The following PCDH11Y variants were observed in gnomAD, a reference collection of about 807,000 sequenced individuals.
PCDH11Y encodes protocadherin 11 Y-linked, also known as protocadherin-11 Y-linked.
For missense variants in PCDH11Y, 12 were observed against 224.8 expected (o/e 0.05, Z 6.05); for synonymous variants, 9 against 83.6 (o/e 0.11, Z 4.87).
chrY:5,729,880 C>G, intron 4 of PCDH11Y, among the ~76,000 whole-genome samples: 1 of 33,098 alleles, frequency 3.0e-5, no homozygotes, highest in Non-Finnish European at 7.5e-5. Context: ...ATAGAAAGTC[C>G]TTTCCCCACT....
chrY:5,403,769 C>T (rs2053235976), intron 2 of PCDH11Y, among the ~76,000 whole-genome samples: 2 of 33,361 alleles, frequency 6.0e-5, no homozygotes, highest in Non-Finnish European at 7.4e-5. Flanking sequence ...TGAGTACTTA[C>T]GCACTGATTA....
chrY:5,068,542 C>CTGTGTGTG (rs3067360), intron 1 of PCDH11Y, among the ~76,000 whole-genome samples: 1,372 of 21,712 alleles, frequency 0.063, no homozygotes, highest in Non-Finnish European at 0.11. Flanking sequence ...TTTGTGTCCT[C>CTGTGTGTG]TGTGTGTGTG....
chrY:5,107,927 C>T (rs1602868556), downstream of PCDH11Y, among the ~76,000 whole-genome samples: 2 of 31,420 alleles, frequency 6.4e-5, no homozygotes, highest in African/African-American at 1.2e-4. Context: ...GGCGTGGTGG[C>T]GGGCGCCTGT....
At chrY:5,303,680 C>T in intron 2 of PCDH11Y, among the ~76,000 whole-genome samples, 1 of 32,400 alleles carries the variant, frequency 3.1e-5, no homozygotes, top group Non-Finnish European at 7.5e-5. Flanking sequence ...TAAAACAACA[C>T]AAATTTACAG....
intron 2 of PCDH11Y, among the ~76,000 whole-genome samples, chrY:5,443,202 C>T: frequency 3.1e-5 from 1 of 32,021 alleles, no homozygotes. Context: ...CAACAGTATA[C>T]GAAAAGGATA....
chrY:5,438,427 C>T, intron 2 of PCDH11Y, among the ~76,000 whole-genome samples: 1 of 33,041 alleles, frequency 3.0e-5, no homozygotes. Context: ...AACCTGACAA[C>T]CTGTTGCTGG....
chrY:5,044,197 G>T, intron 3 of PCDH11Y, among the ~76,000 whole-genome samples: 3 of 31,158 alleles, frequency 9.6e-5, no homozygotes, highest in African/African-American at 3.8e-4. Flanking sequence ...TTTTAATTGT[G>T]ATGTTAGGGT....
At chrY:5,205,576 T>C in intron 2 of PCDH11Y, among the ~76,000 whole-genome samples, 2 of 24,728 alleles carry the variant, frequency 8.1e-5, no homozygotes, top group Non-Finnish European at 8.9e-5. Context: ...TATATATATA[T>C]ACACTGAATA....
chrY:5,434,127 T>C, intron 2 of PCDH11Y, among the ~76,000 whole-genome samples: 1 of 32,308 alleles, frequency 3.1e-5, no homozygotes, highest in Non-Finnish European at 7.6e-5. Flanking sequence ...TCAATGTTCA[T>C]GTATGTTCAG....
chrY:5,622,774 A>C (rs2053501758), intron 4 of PCDH11Y, among the ~76,000 whole-genome samples: 1 of 31,174 alleles, frequency 3.2e-5, no homozygotes, highest in East Asian at 8.8e-4. Context: ...TGGAGTTGGA[A>C]GCCATTATCC....
At chrY:5,386,414 G>C in intron 2 of PCDH11Y, among the ~76,000 whole-genome samples, 3 of 32,338 alleles carry the variant, frequency 9.3e-5, no homozygotes, top group Non-Finnish European at 1.5e-4. Context: ...AGCAAGGCCG[G>C]GGAAGTTTTC....
intron 2 of PCDH11Y, among the ~76,000 whole-genome samples, chrY:5,349,374 G>A: frequency 3.0e-5 from 1 of 33,329 alleles, no homozygotes; most frequent in Non-Finnish European, 7.4e-5. Context: ...AACAAAACAT[G>A]TCTGCTGAAC....
chrY:5,093,524 G>A, intron 1 of PCDH11Y, among the ~76,000 whole-genome samples: 1 of 32,784 alleles, frequency 3.1e-5, no homozygotes, highest in Non-Finnish European at 7.6e-5. Flanking sequence ...GTGTTTGACA[G>A]ATGTAGGGTT....
intron 2 of PCDH11Y, among the ~76,000 whole-genome samples, chrY:5,464,872 C>A: frequency 3.0e-5 from 1 of 33,398 alleles, no homozygotes; most frequent in African/African-American, 1.2e-4. Flanking sequence ...GTTCTGCCTT[C>A]TATCTACCAT....
chrY:5,284,700 A>G, intron 2 of PCDH11Y, among the ~76,000 whole-genome samples: 1 of 30,890 alleles, frequency 3.2e-5, no homozygotes, highest in African/African-American at 1.3e-4. Context: ...AGAAAATTCC[A>G]TCCACAATCT....
At chrY:5,037,570 AC>A in intron 3 of PCDH11Y, 1 of 118,819 alleles carries the variant, frequency 8.4e-6, no homozygotes, top group Admixed American at 1.1e-4. Flanking sequence ...CTCAGTCCCC[AC>A]CCCCCACCAA....
chrY:5,335,796 G>T (rs2053135959), intron 2 of PCDH11Y, among the ~76,000 whole-genome samples: 47 of 27,667 alleles, frequency 1.7e-3, no homozygotes, highest in Non-Finnish European at 9.2e-4. Flanking sequence ...ATATGTTTTC[G>T]CAATACAGAT....
intron 2 of PCDH11Y, among the ~76,000 whole-genome samples, chrY:5,192,293 T>G: frequency 3.2e-5 from 1 of 31,209 alleles, no homozygotes; most frequent in South Asian, 7.7e-4. Context: ...AAATATTTCC[T>G]TGTTTCCAAC....
intron 2 of PCDH11Y, among the ~76,000 whole-genome samples, chrY:5,239,298 C>G (rs2124655232): frequency 3.0e-5 from 1 of 33,215 alleles, no homozygotes; most frequent in East Asian, 8.1e-4. Context: ...AGCTGGAAAC[C>G]ATCATTCTCA....
Sources: allele counts gnomAD v4.1 joint callset (sites outside exome capture counted in the v4.1 genomes callset), GRCh38; gene constraint gnomAD v4.1.1; transcripts MANE v1.5; gene names NCBI Gene and HGNC (gene_info 2026-07-23, HGNC 2026-07-21).